Variants in CNOT2 observed in about 807,000 individuals in gnomAD.
CNOT2 encodes CCR4-NOT transcription complex subunit 2.
In CNOT2, 7 loss-of-function variants were observed where a neutral mutation model predicts 72.1. The observed-to-expected ratio is 0.10, with a 90% CI of 0.06 to 0.18. CNOT2 has a LOEUF of 0.18. Ranked by LOEUF, CNOT2 falls within the 10% of genes least tolerant of loss-of-function variation. The pLI is 1.00. For synonymous variants in CNOT2, 196 were observed against 225.6 expected, an observed-to-expected ratio of 0.87 and a Z score of 1.17; for missense variants, 345 against 660.3, an observed-to-expected ratio of 0.52 and a Z score of 5.23.
intron 4 of CNOT2, chr12:70,322,310 C>T (rs1196951096): frequency 6.6e-6 from 1 of 151,766 alleles, no homozygotes; most frequent in African/African-American, 2.4e-5. Flanking sequence ...TTACTGTACA[C>T]CTTATAAGCT....
At chr12:70,280,303 A>G (rs1869601184) in intron 2 of CNOT2, among the ~76,000 whole-genome samples, 1 of 152,172 alleles carries the variant, frequency 6.6e-6, no homozygotes, top group Non-Finnish European at 1.5e-5. Context: ...GTAAAAACAA[A>G]AGAGAAAAGG....
chr12:70,308,555 TTCTCTCTCTC>T (rs3049213), intron 2 of CNOT2, among the ~76,000 whole-genome samples: 10 of 134,254 alleles, frequency 7.4e-5, no homozygotes, highest in South Asian at 2.5e-4. Context: ...TTGGTATATT[TTCTCTCTCTC>T]TCTCTCTCTC....
chr12:70,311,527 CA>C (rs1876459698), intron 3 of CNOT2, among the ~76,000 whole-genome samples: 1 of 151,850 alleles, frequency 6.6e-6, no homozygotes, highest in Admixed American at 6.6e-5. Flanking sequence ...GAACTGTATT[CA>C]AAATGTGATG....
chr12:70,288,406 G>T (rs1871291707), intron 2 of CNOT2, among the ~76,000 whole-genome samples: 1 of 151,916 alleles, frequency 6.6e-6, no homozygotes, highest in Non-Finnish European at 1.5e-5. Context: ...CTCGGCCTGG[G>T]ATTACAGTGC....
At chr12:70,352,285 A>G (rs2136099355) in intron 15 of CNOT2, among the ~76,000 whole-genome samples, 1 of 152,196 alleles carries the variant, frequency 6.6e-6, no homozygotes, top group South Asian at 2.1e-4. Context: ...TGTAAGCCTC[A>G]TTTTCTTCAG....
At chr12:70,272,429 A>G (rs12312429) in intron 1 of CNOT2, among the ~76,000 whole-genome samples, 2,054 of 152,296 alleles carry the variant, frequency 0.013, 46 homozygotes, top group African/African-American at 0.046. Flanking sequence ...AGGAGCAGCA[A>G]ATATAAAGGC....
chr12:70,303,507 T>C (rs963395688), intron 2 of CNOT2, among the ~76,000 whole-genome samples: 1 of 152,236 alleles, frequency 6.6e-6, no homozygotes, highest in Non-Finnish European at 1.5e-5. Context: ...AAATTCTGGG[T>C]TGAAAATTCT....
intron 15 of CNOT2, chr12:70,348,085 A>G (rs770102630): frequency 6.6e-5 from 10 of 152,216 alleles, no homozygotes; most frequent in Non-Finnish European, 1.5e-4. Context: ...ATTAAATGAG[A>G]TTTCATATAT....
chr12:70,307,154 T>C (rs953133464), intron 2 of CNOT2, among the ~76,000 whole-genome samples: 15 of 152,184 alleles, frequency 9.9e-5, no homozygotes, highest in African/African-American at 2.9e-4. Flanking sequence ...ACTGTGGACA[T>C]TGGAAACACT....
intron 1 of CNOT2, among the ~76,000 whole-genome samples, chr12:70,254,580 C>G (rs946771443): frequency 1.3e-5 from 2 of 152,192 alleles, no homozygotes; most frequent in Non-Finnish European, 2.9e-5. Context: ...AAGGGGAGAA[C>G]TACTGTAGTT....
At chr12:70,286,235 A>G (rs1464020305) in intron 2 of CNOT2, among the ~76,000 whole-genome samples, 2 of 149,306 alleles carry the variant, frequency 1.3e-5, no homozygotes, top group Non-Finnish European at 3.0e-5. Context: ...CTAGGAATGT[A>G]TTTGGGAGTG....
chr12:70,343,296 A>T (rs1881742256), intron 13 of CNOT2, among the ~76,000 whole-genome samples: 1 of 152,206 alleles, frequency 6.6e-6, no homozygotes, highest in African/African-American at 2.4e-5. Context: ...AGAATGTGTA[A>T]TAACCAAATA....
chr12:70,284,678 T>C (rs540047810), intron 2 of CNOT2, among the ~76,000 whole-genome samples: 2 of 152,042 alleles, frequency 1.3e-5, no homozygotes, highest in East Asian at 1.9e-4. Context: ...AAGTTCCTCA[T>C]TGGTTGGCTC....
intron 4 of CNOT2, among the ~76,000 whole-genome samples, chr12:70,321,143 G>A (rs890383567): frequency 6.6e-6 from 1 of 151,832 alleles, no homozygotes; most frequent in African/African-American, 2.4e-5. Flanking sequence ...TAACATTGGT[G>A]AAGCAACATT....
At chr12:70,332,973 C>T (rs1411178911) in intron 7 of CNOT2, 127 bp downstream of exon 7, 4 of 1,308,750 alleles carry the variant, frequency 3.1e-6, no homozygotes, top group Non-Finnish European at 3.9e-6. Flanking sequence ...GATTTTAATT[C>T]AGTGAAAAAT....
chr12:70,315,038 A>G (rs1877096297), intron 3 of CNOT2, among the ~76,000 whole-genome samples: 1 of 151,778 alleles, frequency 6.6e-6, no homozygotes, highest in Non-Finnish European at 1.5e-5. Context: ...TAATTTTTGT[A>G]TTTTTAGTAG....
At chr12:70,249,413 T>C (rs1237678822) in intron 1 of CNOT2, among the ~76,000 whole-genome samples, 1 of 151,834 alleles carries the variant, frequency 6.6e-6, no homozygotes, top group Non-Finnish European at 1.5e-5. Context: ...AGTTTAAAAC[T>C]TAGCATTTAT....
At chr12:70,331,546 T>C (rs1461683272) in intron 6 of CNOT2, 3 of 151,878 alleles carry the variant, frequency 2.0e-5, no homozygotes, top group Non-Finnish European at 2.9e-5. Context: ...AAATTGTCAA[T>C]GTAACATGGA....
At chr12:70,255,791 A>G (rs1958410813) in intron 1 of CNOT2, among the ~76,000 whole-genome samples, 1 of 152,204 alleles carries the variant, frequency 6.6e-6, no homozygotes, top group African/African-American at 2.4e-5. Flanking sequence ...CAATTCTTTC[A>G]TATTAACTAA....
Sources: gnomAD v4.1 joint callset for allele counts (sites outside exome capture counted in the v4.1 genomes callset) on GRCh38, gnomAD v4.1.1 for gene constraint, MANE v1.5 for transcripts, NCBI Gene and HGNC (gene_info 2026-07-23, HGNC 2026-07-21) for gene names.